Variants in TRAF3 observed in about 807,000 individuals in gnomAD.
TRAF3 encodes TNF receptor-associated factor 3.
In TRAF3, 13 loss-of-function variants were observed where a neutral mutation model predicts 62.3. The ratio of observed to expected loss-of-function variants is 0.21; its 90% confidence interval spans 0.14 to 0.33. TRAF3 has a LOEUF of 0.33. Ranked by LOEUF, TRAF3 falls within the 10% of genes least tolerant of loss-of-function variation. The pLI, the probability that TRAF3 is intolerant of heterozygous loss-of-function variation, is 1.00. For missense variants in TRAF3, 440 were observed against 741.8 expected (o/e 0.59, Z 4.73); for synonymous variants, 269 against 283.4 (o/e 0.95, Z 0.51).
At chr14:102,843,431 G>A (rs892540463) in intron 2 of TRAF3, among the ~76,000 whole-genome samples, 6 of 151,398 alleles carry the variant, frequency 4.0e-5, no homozygotes, top group East Asian at 2.0e-4. Context: ...TCTGTCTCCC[G>A]GGCTCAAGCA....
At chr14:102,784,215 CTTTT>C (rs76663820) in intron 1 of TRAF3, among the ~76,000 whole-genome samples, 21 of 117,638 alleles carry the variant, frequency 1.8e-4, no homozygotes, top group Admixed American at 9.9e-4. Flanking sequence ...GATGCTTGGC[CTTTT>C]TTTTTTTTTT....
intron 5 of TRAF3, 147 bp from the exon 6 acceptor site, chr14:102,876,211 A>C: frequency 1.3e-6 from 1 of 794,030 alleles, no homozygotes; most frequent in Non-Finnish European, 2.1e-6. Context: ...GTCTCTTGGC[A>C]TACTTGTTAC....
At chr14:102,851,209 A>G (rs1488504997) in intron 2 of TRAF3, among the ~76,000 whole-genome samples, 1 of 152,244 alleles carries the variant, frequency 6.6e-6, no homozygotes, top group African/African-American at 2.4e-5. Context: ...TATAATTGTC[A>G]TATCTAAATT....
intron 4 of TRAF3, among the ~76,000 whole-genome samples, chr14:102,874,826 A>T (rs956026136): frequency 1.3e-4 from 19 of 151,510 alleles, no homozygotes; most frequent in Non-Finnish European, 2.1e-4. Context: ...CTAATTTTTT[A>T]AAAAAATTTT....
intron 2 of TRAF3, among the ~76,000 whole-genome samples, chr14:102,835,359 A>G (rs1885933548): frequency 6.6e-6 from 1 of 151,436 alleles, no homozygotes; most frequent in African/African-American, 2.4e-5. Context: ...CTCAGCTAAA[A>G]ATAGAACTAC....
intron 1 of TRAF3, among the ~76,000 whole-genome samples, chr14:102,789,151 C>T (rs1897658045): frequency 6.6e-6 from 1 of 152,032 alleles, no homozygotes; most frequent in Non-Finnish European, 1.5e-5. Flanking sequence ...TTTCACTTAG[C>T]ATGATGTTTT....
chr14:102,891,484 C>A (rs1376911248), intron 9 of TRAF3, 67 bp downstream of exon 9: 58 of 1,510,378 alleles, frequency 3.8e-5, no homozygotes, highest in Non-Finnish European at 5.2e-5. Context: ...AAAGACAAAA[C>A]CTTTTTGTAG....
chr14:102,858,753 A>T (rs978988735), intron 2 of TRAF3, among the ~76,000 whole-genome samples: 1 of 152,214 alleles, frequency 6.6e-6, no homozygotes, highest in African/African-American at 2.4e-5. Flanking sequence ...TACCAATAAC[A>T]TATTTATATA....
chr14:102,835,865 A>G (rs140155958), intron 2 of TRAF3, among the ~76,000 whole-genome samples: 3 of 152,340 alleles, frequency 2.0e-5, no homozygotes, highest in Non-Finnish European at 4.4e-5. Context: ...ACAGGAGTTT[A>G]CCTGTATAAC....
intron 2 of TRAF3, among the ~76,000 whole-genome samples, chr14:102,869,168 A>G (rs537792941): frequency 1.3e-5 from 2 of 152,298 alleles, no homozygotes; most frequent in East Asian, 3.9e-4. Context: ...TGGGTCCACA[A>G]CGGGCCCACT....
intron 1 of TRAF3, among the ~76,000 whole-genome samples, chr14:102,785,490 C>T (rs186140417): frequency 6.6e-6 from 1 of 152,308 alleles, no homozygotes; most frequent in Admixed American, 6.5e-5. Context: ...TTGTGTCTTA[C>T]AGGGTTTTAC....
chr14:102,802,692 G>T, intron 1 of TRAF3, among the ~76,000 whole-genome samples: 1 of 151,652 alleles, frequency 6.6e-6, no homozygotes, highest in East Asian at 2.0e-4. Context: ...AGCCGGGTGT[G>T]TGGCGGGCGC....
At chr14:102,842,402 T>C (rs1263184598) in intron 2 of TRAF3, among the ~76,000 whole-genome samples, 1 of 151,366 alleles carries the variant, frequency 6.6e-6, no homozygotes, top group Non-Finnish European at 1.5e-5. Context: ...AGAAAAGAGT[T>C]CATGAGCCTG....
intron 1 of TRAF3, among the ~76,000 whole-genome samples, chr14:102,812,973 ATTTG>A (rs1273744367): frequency 1.3e-5 from 2 of 151,702 alleles, no homozygotes; most frequent in South Asian, 2.1e-4. Context: ...GTTATTATTT[ATTTG>A]TTTATTTATT....
Position 102,870,170 on chromosome 14 carries a change from G to GT in TRAF3, c.-17-9dup, listed in dbSNP as rs761539835. The GT allele has an allele frequency of 6.2e-6, 10 of 1,613,926 alleles. No homozygotes were observed. The highest frequency in any genetic ancestry group is 8.5e-6 in the Non-Finnish European group (10 of 1,180,028). ...TGAGAGGATATGATGGCACTCTACT[G>GT]TTTTTTCCCGACAGAACTCCTCTTT... On this transcript the variant is annotated splice_polypyrimidine_tract_variant and intron_variant, in intron 2 of 11. Transcript: ENST00000392745.
intron 2 of TRAF3, among the ~76,000 whole-genome samples, chr14:102,855,197 G>C (rs1887291803): frequency 2.6e-5 from 4 of 152,166 alleles, no homozygotes; most frequent in Admixed American, 2.6e-4. Flanking sequence ...GGTATTCACT[G>C]TCTGGATAGA....
chr14:102,851,519 C>A (rs1287381244), intron 2 of TRAF3, among the ~76,000 whole-genome samples: 1 of 152,056 alleles, frequency 6.6e-6, no homozygotes, highest in East Asian at 1.9e-4. Context: ...CCGAGGTGGG[C>A]GGATCACGAG....
Position 102,900,178 on chromosome 14 carries a change from CG to C in TRAF3, c.960+2779del, listed in dbSNP as rs201873128. Among the ~76,000 whole-genome samples, 433 of 55,756 alleles carry C rather than the reference CG, an allele frequency of 7.8e-3. 10 individuals are homozygous for C. Among genetic ancestry groups the C allele is most frequent in the Admixed American group, 0.022 (86 of 3,954 alleles). 36.6% of individuals were successfully genotyped at this position (55,756 alleles called of 152,430 possible). On this transcript the variant is annotated intron_variant, in intron 10 of 11. Transcript: ENST00000392745. ...TGGGAGAAAGAGCAAGACTCCGTCT[CG>C]GAAAAAAAAAAAAAAAAAAAAAAAG...
intron 1 of TRAF3, among the ~76,000 whole-genome samples, chr14:102,801,452 G>A (rs1207052126): frequency 2.0e-5 from 3 of 152,182 alleles, no homozygotes; most frequent in African/African-American, 7.2e-5. Context: ...CCAGCTTATA[G>A]GTGGGTCAGT....
Sources: gnomAD v4.1 joint callset for allele counts (sites outside exome capture counted in the v4.1 genomes callset) on GRCh38, gnomAD v4.1.1 for gene constraint, MANE v1.5 for transcripts, NCBI Gene and HGNC (gene_info 2026-07-23, HGNC 2026-07-21) for gene names.